CD34: variants seen among roughly 807,000 people sequenced by gnomAD.
CD34 encodes the protein CD34 molecule.
CD34 carries 34 observed loss-of-function variants against 40.1 expected under a neutral mutation model. That is an observed-to-expected ratio of 0.85 (90% CI 0.65 to 1.13). CD34 has a LOEUF of 1.13. CD34 is among the 50% of genes most tolerant of loss of function. The pLI is 0.00. For synonymous variants in CD34, 209 were observed against 190.0 expected (o/e 1.10, Z -0.82); for missense variants, 426 against 466.9 (o/e 0.91, Z 0.81).
chr1:207,910,044 A>G (rs1271595292), intron 1 of CD34, among the ~76,000 whole-genome samples: 1 of 152,210 alleles, frequency 6.6e-6, no homozygotes, highest in South Asian at 2.1e-4. Context: ...AAAGTTTCAA[A>G]CCTTCCAAGT....
rs1661822460 is a variant in CD34, at chr1:207,882,168, GAGA to G, written c.*5567_*5569del. 6.6e-6 allele frequency: 1 copy of G among 152,250 alleles called. No homozygotes were observed. The highest frequency in any genetic ancestry group is 6.5e-5 in the Admixed American group (1 of 15,286). The allele number at this position is 152,250 out of a possible 1,614,324, so 9.4% of individuals were successfully genotyped here. On this transcript the variant is annotated 3_prime_UTR_variant, in exon 8 of 8. Transcript: ENST00000310833. Reference sequence around the variant, plus strand: ...ACATAGGGAGACTCCGATATGTAGAGAGAAGAAGGCAGAATTGGGAGGGACTTT... The same window carrying G: ...ACATAGGGAGACTCCGATATGTAGAGAGAAGGCAGAATTGGGAGGGACTTT...
At position 207,886,969 on chromosome 1, in the gene CD34, A is replaced by G. The variant is rs1224978451; in HGVS notation, c.*769T>C. 2 of 152,458 alleles carry G rather than the reference A, an allele frequency of 1.3e-5. No individual in the cohort carries two copies. The highest frequency in any genetic ancestry group is 3.8e-4 in the East Asian group (2 of 5,216). 9.4% of individuals were successfully genotyped at this position (152,458 alleles called of 1,614,324 possible). On this transcript the variant is annotated 3_prime_UTR_variant, in exon 8 of 8. Transcript: ENST00000310833. Reference sequence around the variant, plus strand: ...TACAGGTGAGAGGCTCAGCTCCAAGACCTGGTCCCATGGTCCTGCCTACTT... The same window carrying G: ...TACAGGTGAGAGGCTCAGCTCCAAGGCCTGGTCCCATGGTCCTGCCTACTT...
chr1:207,887,944 G>C (rs1405684036), intron 7 of CD34, 21 bp from the exon 8 acceptor site: 1 of 1,579,966 alleles, frequency 6.3e-7, no homozygotes, highest in Non-Finnish European at 8.6e-7. Context: ...TATAAATAAA[G>C]TAGCATTATC....
At position 207,883,198 on chromosome 1, in the gene CD34, T is replaced by C. The variant is rs1661837973; in HGVS notation, c.*4540A>G. On this transcript the variant is annotated 3_prime_UTR_variant, in exon 8 of 8. Transcript: ENST00000310833. The stretch of plus-strand genomic sequence containing the variant: ...CTTAACACATTCTACTTCTCTGTCA[T>C]ACCAGAAAACACATTGTCCTTTGAC... The C allele has an allele frequency of 6.6e-6, 1 of 152,244 alleles. No individual in the cohort carries two copies. Among genetic ancestry groups the C allele is most frequent in the Non-Finnish European group, 1.5e-5 (1 of 68,052 alleles). 9.4% of individuals were successfully genotyped at this position (152,244 alleles called of 1,614,324 possible). A position where few individuals can be genotyped will look rare whatever the true frequency, so the allele number is the denominator to read the frequency against.
At position 207,887,599 on chromosome 1, in the gene CD34, AAGAACAGCC is replaced by A; in HGVS notation, c.*130_*138del. ...GCCCCTCCTCAAGGTGTAGGGCCCCAAGAACAGCCTCTGAGGTGTGTGCAGTGGGGAAGG... is the reference window on the plus strand; with the variant it reads ...GCCCCTCCTCAAGGTGTAGGGCCCCATCTGAGGTGTGTGCAGTGGGGAAGG... On this transcript the variant is annotated 3_prime_UTR_variant, in exon 8 of 8. Coordinates refer to ENST00000310833, the MANE Select transcript of CD34 (RefSeq NM_001025109.2). The A allele has an allele frequency of 7.9e-7, 1 of 1,266,698 alleles. No individual in the cohort carries two copies. Among genetic ancestry groups the A allele is most frequent in the Admixed American group, 2.3e-5 (1 of 43,056 alleles). 78.5% of individuals were successfully genotyped at this position (1,266,698 alleles called of 1,614,324 possible).
chr1:207,892,501 C>T (rs1301180419), intron 4 of CD34, among the ~76,000 whole-genome samples: 4 of 151,968 alleles, frequency 2.6e-5, no homozygotes, highest in African/African-American at 2.4e-5. Context: ...ATCGCTTGAA[C>T]CCAGGAGACA....
At position 207,885,987 on chromosome 1, in the gene CD34, A is replaced by C. The variant is rs758193389; in HGVS notation, c.*1751T>G. On this transcript the variant is annotated 3_prime_UTR_variant, in exon 8 of 8. Transcript: ENST00000310833. ...TGTTTTGGAAGCTGGGGGGAGGTAC[A>C]TGCTTACAGATTTTTTTTTTAATTA... 1 of 147,498 alleles carries C rather than the reference A, an allele frequency of 6.8e-6. No individual in the cohort carries two copies. Among genetic ancestry groups the C allele is most frequent in the African/African-American group, 2.5e-5 (1 of 39,712 alleles). 9.1% of individuals were successfully genotyped at this position (147,498 alleles called of 1,614,324 possible).
Position 207,889,189 on chromosome 1 carries a change from A to G in CD34, c.779T>C (p.Met260Thr), listed in dbSNP as rs749705632. ...TTTCAGGTCAGATTGGTGCTTTTTC[A>G]TAAGTTGGAGTTTGCTGGAAATTTC... is the stretch of plus-strand genomic sequence containing the variant. ...RTEISSKLQLMKKHQSDLKKL... is the reference protein window; with the variant it reads ...RTEISSKLQLTKKHQSDLKKL... Residue 260 changes from methionine (M) to threonine (T), a missense_variant, in exon 6 of 8, where the codon ATG becomes ACG. Physicochemically the swap from Met to Thr is moderately conservative, Grantham distance 81. Transcript: ENST00000310833. The G allele has an allele frequency of 8.1e-6, 13 of 1,610,630 alleles. No homozygotes were observed. In the Admixed American group the frequency reaches 1.3e-4, roughly 17 times the overall value.
rs144406032 is a variant in CD34, at chr1:207,902,381, C to A, written c.80-2378G>T. ...ACATCTCTGTAGAGAAAAGGATGGG[C>A]TCCCATCTGGCTTAAACAGGAGGTG... On this transcript the variant is annotated intron_variant, in intron 1 of 7. Transcript: ENST00000310833. 1.1e-3 allele frequency among the ~76,000 whole-genome samples: 160 copies of A among 152,292 alleles called. 1 individual carries two copies. The highest frequency in any genetic ancestry group is 3.8e-3 in the African/African-American group (157 of 41,562).
chr1:207,898,823 C>A (rs1332427677), intron 3 of CD34, 150 bp downstream of exon 3: 3 of 838,608 alleles, frequency 3.6e-6, no homozygotes, highest in African/African-American at 3.4e-5. Flanking sequence ...CTTCTCCCAG[C>A]AATATTTAAA....
chr1:207,890,489 C>T (rs1662010238), intron 4 of CD34: 1 of 152,770 alleles, frequency 6.5e-6, no homozygotes, highest in South Asian at 2.1e-4. Context: ...AACTGGGTCT[C>T]TGTGGAGGAG....
intron 1 of CD34, among the ~76,000 whole-genome samples, chr1:207,904,769 T>C (rs1024283892): frequency 2.0e-5 from 3 of 152,232 alleles, no homozygotes; most frequent in Admixed American, 6.5e-5. Context: ...TCAGTAAGAA[T>C]ATAAACTTCT....
intron 4 of CD34, among the ~76,000 whole-genome samples, chr1:207,890,777 AC>A (rs1181614855): frequency 2.6e-5 from 4 of 151,426 alleles, no homozygotes; most frequent in African/African-American, 7.3e-5. Context: ...GCCTCAAAAA[AC>A]CCCCAGGAAA....
rs772660157 is a variant in CD34 at position 207,883,430 on chromosome 1, G to C, written c.*4308C>G. ...AAAGCACTTCATTTAGTCTTTCCTC[G>C]TGTTATTTCTCACTTTCTGTTGTGC... On this transcript the variant is annotated 3_prime_UTR_variant, in exon 8 of 8. Transcript: ENST00000310833. 1 of 152,080 alleles carries C rather than the reference G, an allele frequency of 6.6e-6. No individual in the cohort carries two copies. Among genetic ancestry groups the C allele is most frequent in the African/African-American group, 2.4e-5 (1 of 41,394 alleles). 9.4% of individuals were successfully genotyped at this position (152,080 alleles called of 1,614,324 possible). A position where few individuals can be genotyped will look rare whatever the true frequency, so the allele number is the denominator to read the frequency against.
intron 4 of CD34, chr1:207,890,288 T>G: frequency 1.0e-6 from 1 of 970,356 alleles, no homozygotes; most frequent in South Asian, 4.7e-5. Context: ...CTCTGATAAT[T>G]CTTCAATAGT....
chr1:207,904,331 T>A (rs573703814), intron 1 of CD34, among the ~76,000 whole-genome samples: 1 of 152,112 alleles, frequency 6.6e-6, no homozygotes, highest in Non-Finnish European at 1.5e-5. Context: ...GTCCATAGAG[T>A]TACAGAACTA....
Position 207,881,653 on chromosome 1 carries a change from C to G in CD34, c.*6085G>C, listed in dbSNP as rs1190509401. ...CCAGCCTGGGTGACAGAGCGAGACT[C>G]CGTCTCAAAAAAAAAAAAAAAAAAA... On this transcript the variant is annotated 3_prime_UTR_variant, in exon 8 of 8. Transcript: ENST00000310833. 3.9e-5 allele frequency: 5 copies of G among 128,020 alleles called. No homozygotes were observed. The highest frequency in any genetic ancestry group is 1.6e-4 in the African/African-American group (5 of 31,934). The allele number at this position is 128,020 out of a possible 1,614,324, so 7.9% of individuals were successfully genotyped here.
rs146291749 is a variant in CD34, at chr1:207,900,701, T to C, written c.80-698A>G. Among the ~76,000 whole-genome samples, 74 of 152,348 alleles carry C rather than the reference T, an allele frequency of 4.9e-4. 2 individuals are homozygous for C. The East Asian group carries it at 0.013, about 26-fold the overall frequency. On this transcript the variant is annotated intron_variant, in intron 1 of 7. Coordinates refer to ENST00000310833, the MANE Select transcript of CD34 (RefSeq NM_001025109.2). The stretch of plus-strand genomic sequence containing the variant: ...TGCTCTGACCTAGGAATTCAGCTAA[T>C]GAACCAGGGAACACAAGGTCTGGTT...
Position 207,887,755 on chromosome 1 carries a change from C to T in CD34, c.1141G>A (p.Ala381Thr), listed in dbSNP as rs774267798. ...NGHSARQHVV[A>T]DTEL ...TAGCCGAGTCACAATTCGGTATCAGCCACCACGTGTTGTCTTGCTGAATGG... is the reference window on the plus strand; with the variant it reads ...TAGCCGAGTCACAATTCGGTATCAGTCACCACGTGTTGTCTTGCTGAATGG... The change falls in exon 8 of 8, where the codon GCT becomes ACT. Residue 381 changes from alanine to threonine, a missense_variant. Ala to Thr is a moderately conservative substitution (Grantham distance 58). Transcript: ENST00000310833. 1 of 1,614,174 alleles carries T rather than the reference C, an allele frequency of 6.2e-7. No individual in the cohort carries two copies. Among genetic ancestry groups the T allele is most frequent in the South Asian group, 1.1e-5 (1 of 91,084 alleles).
Sources: allele counts gnomAD v4.1 joint callset (sites outside exome capture counted in the v4.1 genomes callset), GRCh38; gene constraint gnomAD v4.1.1; transcripts MANE v1.5; gene names NCBI Gene and HGNC (gene_info 2026-07-23, HGNC 2026-07-21).